Variants in TOR1AIP2 observed in about 807,000 individuals in gnomAD.
TOR1AIP2 encodes torsin-1A-interacting protein 2.
Under a neutral mutation model 32.6 loss-of-function variants are expected in TOR1AIP2, and 20 were observed. That is an observed-to-expected ratio of 0.61 (90% confidence interval 0.43 to 0.89). The LOEUF is 0.89. Ranked by LOEUF, TOR1AIP2 falls within the 40% of genes least tolerant of loss-of-function variation. TOR1AIP2 has a pLI of 0.00. For synonymous variants in TOR1AIP2, 214 were observed against 210.8 expected (o/e 1.02, Z -0.13); for missense variants, 456 against 553.8 (o/e 0.82, Z 1.77).
chr1:179,867,520 A>G (rs1463033881), intron 2 of TOR1AIP2: 1 of 152,258 alleles, frequency 6.6e-6, no homozygotes, highest in Admixed American at 6.5e-5. Flanking sequence ...GATAAACACA[A>G]AAGATAAAAA....
At chr1:179,864,639 C>T in intron 3 of TOR1AIP2, 1 of 1,453,842 alleles carries the variant, frequency 6.9e-7, no homozygotes, top group Non-Finnish European at 9.0e-7. Flanking sequence ...TATGTATAGG[C>T]CACGGAAGCA....
chr1:179,874,023 C>T (rs1697103023), intron 2 of TOR1AIP2: 1 of 152,226 alleles, frequency 6.6e-6, no homozygotes, highest in African/African-American at 2.4e-5. Flanking sequence ...CCTTTAAAAA[C>T]CAAGATCTGA....
At chr1:179,850,716 C>A (rs977783617) in intron 5 of TOR1AIP2, 129 bp downstream of exon 5, 7 of 1,138,984 alleles carry the variant, frequency 6.1e-6, no homozygotes, top group Non-Finnish European at 8.5e-6. Flanking sequence ...TGAGCTTGGG[C>A]AAGGCCCAAA....
intron 3 of TOR1AIP2, 65 bp downstream of exon 3, chr1:179,865,371 C>T (rs1227415353): frequency 2.3e-5 from 15 of 644,488 alleles, no homozygotes; most frequent in Non-Finnish European, 3.6e-5. Flanking sequence ...CTATTTTTCA[C>T]TCAATTGCAA....
chr1:179,858,668 G>A (rs925490636), intron 3 of TOR1AIP2, among the ~76,000 whole-genome samples: 11 of 152,160 alleles, frequency 7.2e-5, no homozygotes, highest in East Asian at 5.8e-4. Context: ...TACGGAGTAC[G>A]CTTCCACCAT....
At chr1:179,876,824 T>C (rs542754937) in intron 2 of TOR1AIP2, among the ~76,000 whole-genome samples, 2 of 152,294 alleles carry the variant, frequency 1.3e-5, no homozygotes, top group African/African-American at 2.4e-5. Context: ...TAATTAAGCA[T>C]TACTCATAAA....
chr1:179,856,506 C>T (rs1457721778), intron 3 of TOR1AIP2, among the ~76,000 whole-genome samples: 1 of 152,190 alleles, frequency 6.6e-6, no homozygotes, highest in Admixed American at 6.5e-5. Context: ...AATGGCATTT[C>T]CCTTACAGTA....
At chr1:179,865,226 A>G in intron 3 of TOR1AIP2, 1 of 1,533,078 alleles carries the variant, frequency 6.5e-7, no homozygotes, top group Non-Finnish European at 8.8e-7. Flanking sequence ...AAGAGACAAC[A>G]GTGACAGAGA....
At chr1:179,877,506 C>T (rs1197852704) in intron 1 of TOR1AIP2, 133 bp from the exon 2 acceptor site, 1 of 150,580 alleles carries the variant, frequency 6.6e-6, no homozygotes, top group Non-Finnish European at 1.5e-5. Flanking sequence ...ATGATCACGC[C>T]ACTGTACTCT....
chr1:179,861,240 A>G (rs1696518177), intron 3 of TOR1AIP2: 1 of 985,268 alleles, frequency 1.0e-6, no homozygotes, highest in Non-Finnish European at 1.2e-6. Flanking sequence ...TTGTCATTAC[A>G]ATTAATTTTA....
rs1558006822 is a variant in TOR1AIP2, at chr1:179,845,461, A to C, written c.*610T>G. 6.6e-6 allele frequency: 1 copy of C among 152,264 alleles called. No individual in the cohort carries two copies. Among genetic ancestry groups the C allele is most frequent in the Non-Finnish European group, 1.5e-5 (1 of 68,036 alleles). The allele number at this position is 152,264 out of a possible 1,614,324, so 9.4% of individuals were successfully genotyped here. The stretch of plus-strand genomic sequence containing the variant: ...GTACAGCTGCTTATACCTCAGCTGA[A>C]TGAAATAAAAGCACAGTGCCTTACA... On this transcript the variant is annotated 3_prime_UTR_variant, in exon 7 of 7. Transcript: ENST00000609928.
intron 3 of TOR1AIP2, among the ~76,000 whole-genome samples, chr1:179,855,623 T>G (rs894151939): frequency 1.3e-5 from 2 of 152,144 alleles, no homozygotes; most frequent in African/African-American, 4.8e-5. Context: ...ACTACAACTT[T>G]AGAGAGAAAT....
intron 2 of TOR1AIP2, among the ~76,000 whole-genome samples, chr1:179,871,334 A>G (rs1697002575): frequency 6.6e-6 from 1 of 152,246 alleles, no homozygotes; most frequent in Admixed American, 6.5e-5. Context: ...AAACTTTATT[A>G]AAAGAAAATT....
In TOR1AIP2 at chr1:179,846,827, G is replaced by T; in HGVS notation, c.657C>A (p.Gly219=). 6.3e-7 allele frequency: 1 copy of T among 1,584,458 alleles called. No individual in the cohort carries two copies. Among genetic ancestry groups the T allele is most frequent in the Non-Finnish European group, 8.6e-7 (1 of 1,164,388 alleles). Residue 219 remains glycine, a splice_region_variant and synonymous_variant, in exon 7 of 7, where the codon GGC becomes GGA. Coordinates refer to ENST00000609928, the MANE Select transcript of TOR1AIP2 (RefSeq NM_001199260.2). ...CAACCAGGACGACAAGAATCACAGGGCCTGTCAAAAGAATGAAAAAGGAAT... is the reference window on the plus strand; with the variant it reads ...CAACCAGGACGACAAGAATCACAGGTCCTGTCAAAAGAATGAAAAAGGAAT... ...QINKKGFWSY[G]PVILVVLVVA... is the part of the protein sequence containing the mutation.
rs1188835981 is a variant in TOR1AIP2, at chr1:179,850,860, G to A, written c.538C>T (p.Arg180Ter). 3.1e-6 allele frequency: 5 copies of A among 1,613,022 alleles called. No individual in the cohort carries two copies. In the Admixed American group the frequency reaches 5.0e-5, roughly 16 times the overall value. Residue 180 changes from arginine to a stop codon, truncating the protein, a stop_gained, in exon 5 of 7, where the codon CGA becomes TGA. Coordinates refer to ENST00000609928, the MANE Select transcript of TOR1AIP2 (RefSeq NM_001199260.2). LOFTEE classifies it high-confidence loss of function. ...GQEGEDTLRRRLLAPEAGSHP... is the reference protein window; with the variant it reads ...GQEGEDTLRR ...GTTCTCTTACCTGGGGCCAGCAGTC[G>A]CCTCCTCAGTGTATCCTCACCCTCT...
chr1:179,841,167 T>C lies in TOR1AIP2; in HGVS notation c.*4904A>G, dbSNP rs1455648909. The C allele has an allele frequency of 1.3e-5, 2 of 152,184 alleles. No individual in the cohort carries two copies. Among genetic ancestry groups the C allele is most frequent in the African/African-American group, 4.8e-5 (2 of 41,452 alleles). The allele number at this position is 152,184 out of a possible 1,614,324, so 9.4% of individuals were successfully genotyped here. A position where few individuals can be genotyped will look rare whatever the true frequency, so the allele number is the denominator to read the frequency against. On this transcript the variant is annotated 3_prime_UTR_variant, in exon 7 of 7. Coordinates refer to ENST00000609928, the MANE Select transcript of TOR1AIP2 (RefSeq NM_001199260.2). ...ATATTATTCAACCAAGCATTTGCCA[T>C]AAAGATAAGCATCAACTTTCCCATT...
At chr1:179,862,770 A>C (rs574090130) in intron 3 of TOR1AIP2, 14 of 427,028 alleles carry the variant, frequency 3.3e-5, no homozygotes, top group African/African-American at 3.0e-4. Flanking sequence ...TCTACTAAAA[A>C]CACAAAAATT....
At chr1:179,873,147 C>T (rs2148459379) in intron 2 of TOR1AIP2, among the ~76,000 whole-genome samples, 1 of 152,194 alleles carries the variant, frequency 6.6e-6, no homozygotes, top group South Asian at 2.1e-4. Context: ...TCTTTGTGAC[C>T]TTGACACTTT....
At chr1:179,857,912 G>T (rs76652961) in intron 3 of TOR1AIP2, among the ~76,000 whole-genome samples, 1 of 152,060 alleles carries the variant, frequency 6.6e-6, no homozygotes. Context: ...ACAACACTTC[G>T]AGAGGCCAAG....
Sources: gnomAD v4.1 joint callset for allele counts (sites outside exome capture counted in the v4.1 genomes callset) on GRCh38, gnomAD v4.1.1 for gene constraint, MANE v1.5 for transcripts, NCBI Gene and HGNC (gene_info 2026-07-23, HGNC 2026-07-21) for gene names.